LOXL3: variants seen among roughly 807,000 people sequenced by gnomAD.
LOXL3 encodes the protein lysyl oxidase homolog 3.
LOXL3 carries 60 observed loss-of-function variants against 91.8 expected under a neutral mutation model. The ratio of observed to expected loss-of-function variants is 0.65; its 90% CI spans 0.53 to 0.81. The LOEUF is 0.81. Among genes scored for constraint, LOXL3 ranks in the 30% least tolerant of loss-of-function variants. LOXL3 has a pLI of 0.00. For missense variants in LOXL3, 874 were observed against 1,000.4 expected (o/e 0.87, Z 1.70); for synonymous variants, 355 against 387.6 (o/e 0.92, Z 0.99).
At chr2:74,540,004 T>G (rs1447114296) in intron 4 of LOXL3, among the ~76,000 whole-genome samples, 1 of 152,192 alleles carries the variant, frequency 6.6e-6, no homozygotes, top group African/African-American at 2.4e-5. Context: ...ACCCGAGCTT[T>G]CTTTTTTCTT....
In LOXL3 at chr2:74,533,030, G is replaced by T. The variant is rs1675739627; in HGVS notation, c.*576C>A. On this transcript the variant is annotated 3_prime_UTR_variant, in exon 14 of 14. Transcript: ENST00000264094. ...AGGCTCCTGCTCTGATTTCCTCCTTGCCTTTCTGGCTGAGGTTCTGAGGGC... is the reference window on the plus strand; with the variant it reads ...AGGCTCCTGCTCTGATTTCCTCCTTTCCTTTCTGGCTGAGGTTCTGAGGGC... The T allele has an allele frequency of 6.3e-7, 1 of 1,598,274 alleles. No homozygotes were observed. Among genetic ancestry groups the T allele is most frequent in the South Asian group, 1.1e-5 (1 of 90,634 alleles).
chr2:74,553,404 C>T (rs1677154716), intron 1 of LOXL3, among the ~76,000 whole-genome samples: 1 of 152,222 alleles, frequency 6.6e-6, no homozygotes, highest in Non-Finnish European at 1.5e-5. Context: ...AGGGCCAGGC[C>T]TCAAGGCTGG....
chr2:74,553,666 TCCTGGCGGC>T (rs974689720), intron 1 of LOXL3, among the ~76,000 whole-genome samples: 12 of 151,840 alleles, frequency 7.9e-5, no homozygotes, highest in Non-Finnish European at 1.6e-4. Context: ...CTTAGGGCGC[TCCTGGCGGC>T]CCTGTTCGAA....
intron 4 of LOXL3, among the ~76,000 whole-genome samples, chr2:74,547,678 G>GAA (rs77059684): frequency 3.3e-5 from 3 of 89,754 alleles, no homozygotes; most frequent in African/African-American, 1.2e-4. Flanking sequence ...ACTTTCAAAA[G>GAA]AAAAAAAAAA....
At chr2:74,537,194 G>A (rs778847814) in intron 4 of LOXL3, among the ~76,000 whole-genome samples, 5 of 152,180 alleles carry the variant, frequency 3.3e-5, no homozygotes, top group African/African-American at 7.2e-5. Flanking sequence ...GGCTAGTCTC[G>A]ACTTGCCTGG....
chr2:74,543,284 G>T (rs1430513034), intron 4 of LOXL3, among the ~76,000 whole-genome samples: 1 of 151,938 alleles, frequency 6.6e-6, no homozygotes, highest in Non-Finnish European at 1.5e-5. Flanking sequence ...TAGGCATTTT[G>T]TTCTCACTTC....
At chr2:74,533,789 G>T in intron 13 of LOXL3, 93 bp downstream of exon 13, 1 of 1,420,628 alleles carries the variant, frequency 7.0e-7, no homozygotes, top group Non-Finnish European at 9.9e-7. Context: ...CTACAGGAAG[G>T]TGGGAAGATG....
intron 4 of LOXL3, among the ~76,000 whole-genome samples, chr2:74,541,734 T>A (rs559290716): frequency 6.6e-6 from 1 of 152,082 alleles, no homozygotes; most frequent in Non-Finnish European, 1.5e-5. Context: ...CTCTAAATTA[T>A]TTAAGGACCT....
chr2:74,555,253 C>T, upstream of LOXL3: 1 of 1,613,892 alleles, frequency 6.2e-7, no homozygotes, highest in Non-Finnish European at 8.5e-7. This position sits in a 1 kb window ranked among gnomAD's most constrained non-coding sequence, Gnocchi z 6.1. Flanking sequence ...TGGGGGTGGC[C>T]GAGGGAGCTC....
At position 74,534,355 on chromosome 2, in the gene LOXL3, T is replaced by G; in HGVS notation, c.1900A>C (p.Lys634Gln). ...GTGTCTTCGAGACAGAAACTAGCTT[T>G]GTGGCCCTCAGCCACCTTGGTGCCA... is the stretch of plus-strand genomic sequence containing the variant. Reference protein sequence around the residue: ...PNGTKVAEGHKASFCLEDTEC... With the variant: ...PNGTKVAEGHQASFCLEDTEC... Residue 634 changes from lysine to glutamine, a missense_variant, in exon 11 of 14, where the codon AAA becomes CAA. By Grantham distance (53) the Lys-to-Gln change is moderately conservative (BLOSUM62 1). Coordinates refer to ENST00000264094, the MANE Select transcript of LOXL3 (RefSeq NM_032603.5). 6.2e-6 allele frequency: 10 copies of G among 1,614,274 alleles called. No individual in the cohort carries two copies. Among genetic ancestry groups the G allele is most frequent in the Non-Finnish European group, 8.5e-6 (10 of 1,180,036 alleles).
Position 74,549,323 on chromosome 2 carries a change from G to C in LOXL3, c.692+46C>G. 1 of 1,513,354 alleles carries C rather than the reference G, an allele frequency of 6.6e-7. No homozygotes were observed. Among genetic ancestry groups the C allele is most frequent in the Non-Finnish European group, 8.9e-7 (1 of 1,125,402 alleles). 93.7% of individuals were successfully genotyped at this position (1,513,354 alleles called of 1,614,324 possible). ...GTCTCCCAAGGCTATTCATCAGGGA[G>C]CACCCCAATCCCGGCCTGCTCCGCC... On this transcript the variant is annotated intron_variant, in intron 4 of 13. Transcript: ENST00000264094. The surrounding 1 kb of genome is among the most constrained non-coding windows in gnomAD (Gnocchi z 5.3).
chr2:74,534,089 A>T lies in LOXL3; in HGVS notation c.2076+11T>A, dbSNP rs745568434. The T allele has an allele frequency of 1.2e-5, 19 of 1,613,146 alleles. No individual in the cohort carries two copies. The East Asian group carries it at 4.2e-4, about 36-fold the overall frequency. On this transcript the variant is annotated intron_variant, in intron 12 of 13. Transcript: ENST00000264094. Reference sequence around the variant, plus strand: ...CCACTCACCCATCTGGAAGCCCCAGACTCCAGGTACCTGGAGAATGTAGTT... The same window carrying T: ...CCACTCACCCATCTGGAAGCCCCAGTCTCCAGGTACCTGGAGAATGTAGTT...
intron 4 of LOXL3, among the ~76,000 whole-genome samples, chr2:74,544,501 C>T (rs1676497131): frequency 6.6e-6 from 1 of 152,174 alleles, no homozygotes; most frequent in South Asian, 2.1e-4. Flanking sequence ...GTTCAATAAA[C>T]ATCTGTCAAG....
chr2:74,544,430 T>C (rs1249641771), intron 4 of LOXL3, among the ~76,000 whole-genome samples: 2 of 152,152 alleles, frequency 1.3e-5, no homozygotes, highest in African/African-American at 4.8e-5. Context: ...CCTAATAACC[T>C]CTCTTGTCAT....
chr2:74,552,294 T>C (rs1182382676), intron 2 of LOXL3, 28 bp downstream of exon 2: 1 of 1,576,830 alleles, frequency 6.3e-7, no homozygotes, highest in Non-Finnish European at 8.7e-7. Context: ...ATAGGAAATA[T>C]CTAGGATATG....
At chr2:74,534,814 G>A (rs1213745039) in intron 9 of LOXL3, 40 bp from the exon 10 acceptor site, 1 of 1,594,942 alleles carries the variant, frequency 6.3e-7, no homozygotes, top group Admixed American at 1.7e-5. Flanking sequence ...AGTCACTGCT[G>A]ACTTCACAGA....
chr2:74,533,287 T>A lies in LOXL3; in HGVS notation c.*319A>T. 1.9e-6 allele frequency: 1 copy of A among 535,060 alleles called. No homozygotes were observed. The highest frequency in any genetic ancestry group is 3.3e-5 in the East Asian group (1 of 30,218). 33.1% of individuals were successfully genotyped at this position (535,060 alleles called of 1,614,324 possible). On this transcript the variant is annotated 3_prime_UTR_variant, in exon 14 of 14. Transcript: ENST00000264094. ...GGGGAGATACTGGAGCTGACCATCC[T>A]GACCTCCTATTAAAGAAAATGAGCT...
chr2:74,552,845 T>C (rs970833405), intron 1 of LOXL3, 199 bp from the exon 2 acceptor site: 3 of 560,532 alleles, frequency 5.4e-6, no homozygotes, highest in African/African-American at 3.8e-5. Flanking sequence ...GCACAGGTCA[T>C]AGAGGCACAG....
In LOXL3 at chr2:74,532,952, G is replaced by T. The variant is rs1445408993; in HGVS notation, c.*654C>A. 1 of 1,613,720 alleles carries T rather than the reference G, an allele frequency of 6.2e-7. No individual in the cohort carries two copies. Among genetic ancestry groups the T allele is most frequent in the East Asian group, 2.2e-5 (1 of 44,840 alleles). On this transcript the variant is annotated 3_prime_UTR_variant, in exon 14 of 14. Transcript: ENST00000264094. ...AGATCCGGCGGGGACGAGAAACACT[G>T]ACCTTATATGTGACCCCTGAGGTCA...
Sources: gnomAD v4.1 joint callset for allele counts (sites outside exome capture counted in the v4.1 genomes callset) on GRCh38, gnomAD v4.1.1 for gene constraint, Gnocchi (gnomAD v3.1) non-coding constraint, MANE v1.5 for transcripts, NCBI Gene and HGNC (gene_info 2026-07-23, HGNC 2026-07-21) for gene names.